BANP: variants seen among roughly 807,000 people sequenced by gnomAD.
BANP encodes the protein protein BANP.
BANP carries 11 observed loss-of-function variants against 68.1 expected under a neutral mutation model. The observed-to-expected ratio is 0.16, with a 90% CI of 0.10 to 0.27. The LOEUF (loss-of-function observed/expected upper bound fraction) is 0.27, where lower values mean the gene tolerates loss of function less well. Among genes scored for constraint, BANP ranks in the 10% least tolerant of loss-of-function variants. BANP has a pLI of 1.00. For missense variants in BANP, 504 were observed against 722.7 expected (o/e 0.70, Z 3.47); for synonymous variants, 329 against 303.2 (o/e 1.09, Z -0.88).
At chr16:88,020,126 G>A (rs2075710813) in intron 7 of BANP, among the ~76,000 whole-genome samples, 1 of 152,220 alleles carries the variant, frequency 6.6e-6, no homozygotes, top group Admixed American at 6.5e-5. Context: ...CAGGTCAAGA[G>A]GATCAGAGGG....
At position 88,004,374 on chromosome 16, in the gene BANP, A is replaced by G; in HGVS notation, c.442A>G (p.Asn148Asp). ...IVAKMEDPLS[N>D]RAPDSLENVI... Reference sequence around the variant, plus strand: ...AGCCAAGATGGAAGACCCCTTGAGCAACAGGGCACCGGATTCCCTGGAAAA... The same window carrying G: ...AGCCAAGATGGAAGACCCCTTGAGCGACAGGGCACCGGATTCCCTGGAAAA... The change falls in exon 5 of 14, where the codon AAC becomes GAC. Residue 148 changes from asparagine (N) to aspartate (D), a missense_variant. By Grantham distance (23) the Asn-to-Asp change is conservative (BLOSUM62 1). Transcript: ENST00000682872. The surrounding 1 kb of genome is among the most constrained non-coding windows in gnomAD (Gnocchi z 7.0). The G allele has an allele frequency of 6.5e-7, 1 of 1,547,770 alleles. No individual in the cohort carries two copies. Among genetic ancestry groups the G allele is most frequent in the Non-Finnish European group, 8.7e-7 (1 of 1,144,586 alleles).
chr16:88,040,456 C>T (rs1222496507), intron 11 of BANP, among the ~76,000 whole-genome samples: 1 of 152,042 alleles, frequency 6.6e-6, no homozygotes, highest in Non-Finnish European at 1.5e-5. Flanking sequence ...ATAGCCCATT[C>T]GCTCTCCTCC....
intron 7 of BANP, among the ~76,000 whole-genome samples, chr16:88,019,610 C>CG (rs1159537558): frequency 3.7e-5 from 1 of 26,940 alleles, no homozygotes; most frequent in Non-Finnish European, 5.6e-5. Flanking sequence ...TCTCAGCGTG[C>CG]GGGGGGCGTC....
intron 1 of BANP, among the ~76,000 whole-genome samples, chr16:87,974,259 G>T (rs2061631212): frequency 6.6e-6 from 1 of 152,222 alleles, no homozygotes; most frequent in East Asian, 1.9e-4. Context: ...TTTGAATGAT[G>T]CAGCCTTATT....
chr16:88,008,306 T>C (rs1372823238), intron 6 of BANP, among the ~76,000 whole-genome samples: 1 of 152,204 alleles, frequency 6.6e-6, no homozygotes, highest in African/African-American at 2.4e-5. Context: ...TTTTTGTGTA[T>C]GTATTAATTG....
chr16:87,951,608 C>G (rs1597616757), intron 1 of BANP, 93 bp downstream of exon 1: 1 of 150,450 alleles, frequency 6.6e-6, no homozygotes, highest in African/African-American at 2.4e-5. Flanking sequence ...CTCCTCCTCC[C>G]GCCCGCCGGG....
At chr16:88,012,503 G>T (rs189500898) in intron 6 of BANP, among the ~76,000 whole-genome samples, 1 of 152,160 alleles carries the variant, frequency 6.6e-6, no homozygotes, top group Non-Finnish European at 1.5e-5. Context: ...CTGAACAACC[G>T]TGCAGCCCAG....
intron 1 of BANP, among the ~76,000 whole-genome samples, chr16:87,962,493 G>C (rs935019401): frequency 2.0e-5 from 3 of 152,124 alleles, no homozygotes; most frequent in East Asian, 1.9e-4. Flanking sequence ...GAATGGTGAA[G>C]AGGACCCTGA....
chr16:87,956,551 C>G (rs953951095), intron 1 of BANP: 2 of 152,250 alleles, frequency 1.3e-5, no homozygotes, highest in Non-Finnish European at 1.5e-5. Flanking sequence ...TCTGAAAAAG[C>G]TACACTTGTT....
chr16:88,027,970 C>A (rs9935318), intron 8 of BANP, among the ~76,000 whole-genome samples: 46,373 of 152,238 alleles, frequency 0.3, 7,806 homozygotes, highest in South Asian at 0.62. Context: ...TGTATTCTCA[C>A]GATTTGCCGG....
intron 1 of BANP, among the ~76,000 whole-genome samples, chr16:87,972,690 C>T (rs1325996554): frequency 1.3e-5 from 2 of 151,912 alleles, no homozygotes. Context: ...TTTAAAAATA[C>T]AGCAGCTTCT....
chr16:88,028,725 A>G (rs1374329890), intron 8 of BANP, among the ~76,000 whole-genome samples: 3 of 152,224 alleles, frequency 2.0e-5, no homozygotes, highest in Non-Finnish European at 2.9e-5. Flanking sequence ...ACCTGTGGCT[A>G]TTGAAATGCG....
rs533738955 is a variant in BANP, at chr16:88,018,238, G to A, written c.656-190G>A. Among the ~76,000 whole-genome samples the A allele has an allele frequency of 4.8e-4, 73 of 152,162 alleles. No homozygotes were observed. The highest frequency in any genetic ancestry group is 7.2e-4 in the Non-Finnish European group (49 of 67,990). On this transcript the variant is annotated intron_variant, in intron 6 of 13. Coordinates refer to ENST00000682872, the MANE Select transcript of BANP (RefSeq NM_001386991.1). This position sits in a 1 kb window ranked among gnomAD's most constrained non-coding sequence, Gnocchi z 7.7. ...GGGGTGGTGGGATCGTGTCTGTTCC[G>A]CGTCAGTTCTTTCTTGGGCAGCAGT...
At chr16:88,012,034 C>T (rs1255379190) in intron 6 of BANP, among the ~76,000 whole-genome samples, 29 of 152,224 alleles carry the variant, frequency 1.9e-4, no homozygotes, top group Admixed American at 1.9e-3. Context: ...CATACCCCAA[C>T]ACATTATATT....
chr16:87,968,034 G>T (rs1020203263), intron 1 of BANP, among the ~76,000 whole-genome samples: 16 of 150,872 alleles, frequency 1.1e-4, no homozygotes, highest in Admixed American at 8.1e-4. Context: ...GATTACAGGC[G>T]TGAGCCACCA....
chr16:87,960,352 C>T (rs907137102), intron 1 of BANP, among the ~76,000 whole-genome samples: 2 of 152,238 alleles, frequency 1.3e-5, no homozygotes, highest in Non-Finnish European at 2.9e-5. Context: ...AAGAGCCACA[C>T]TTGAGGATGG....
intron 4 of BANP, among the ~76,000 whole-genome samples, chr16:87,987,319 T>G (rs1368647675): frequency 1.3e-5 from 2 of 152,238 alleles, no homozygotes; most frequent in African/African-American, 4.8e-5. Context: ...CCTTAGGTGA[T>G]CTGCCTGCCT....
At chr16:88,022,666 G>C (rs1056887346) in intron 7 of BANP, among the ~76,000 whole-genome samples, 3 of 152,222 alleles carry the variant, frequency 2.0e-5, no homozygotes, top group Non-Finnish European at 2.9e-5. Flanking sequence ...ACACAGGCTT[G>C]TGTTCTCGTG....
rs138939123 is a variant in BANP at position 88,023,407 on chromosome 16, G to A, written c.896-4076G>A. Among the ~76,000 whole-genome samples, 516 of 152,296 alleles carry A rather than the reference G, an allele frequency of 3.4e-3. 2 individuals are homozygous for A. The highest frequency in any genetic ancestry group is 0.011 in the African/African-American group (440 of 41,566). ...GCTGGACGTTTGAGGTGCATGGGGC[G>A]TGAGCTGTGTATGCTTCCCCCGGGA... On this transcript the variant is annotated intron_variant, in intron 7 of 13. Transcript: ENST00000682872.
Sources: allele counts gnomAD v4.1 joint callset (sites outside exome capture counted in the v4.1 genomes callset), GRCh38; gene constraint gnomAD v4.1.1; non-coding constraint Gnocchi (gnomAD v3.1); transcripts MANE v1.5; gene names NCBI Gene and HGNC (gene_info 2026-07-23, HGNC 2026-07-21).